RINT1: variants seen among roughly 807,000 people sequenced by gnomAD.
RINT1 encodes the protein RAD50 interactor 1.
A neutral mutation model predicts 97.7 loss-of-function variants in RINT1; 75 were observed. The observed-to-expected ratio is 0.77, with a 90% confidence interval of 0.64 to 0.93. RINT1 has a LOEUF of 0.93. RINT1 is among the 40% of genes least tolerant of loss of function. The pLI, the probability that RINT1 is intolerant of heterozygous loss-of-function variation, is 0.00. For missense variants in RINT1, 892 were observed against 925.2 expected, an observed-to-expected ratio of 0.96 and a Z score of 0.47; for synonymous variants, 303 against 326.3, an observed-to-expected ratio of 0.93 and a Z score of 0.77.
At chr7:105,553,607 G>A (rs1041211887) in intron 10 of RINT1, among the ~76,000 whole-genome samples, 1 of 150,266 alleles carries the variant, frequency 6.7e-6, no homozygotes, top group African/African-American at 2.4e-5. Context: ...CTAGAGATGG[G>A]GTTTCATATT....
rs571081666 is a variant in RINT1 at position 105,564,552 on chromosome 7, T to G, written c.1886+605T>G. On this transcript the variant is annotated intron_variant, in intron 12 of 14. Transcript: ENST00000257700. ...TTTGTTGTGGTTTATCCCACTACCA[T>G]TCACTGTGAACACCTGTGTTACTTT... Among the ~76,000 whole-genome samples the G allele has an allele frequency of 3.3e-5, 5 of 152,340 alleles. No individual in the cohort carries two copies. The South Asian group carries it at 1.0e-3, about 32-fold the overall frequency.
chr7:105,552,666 CTTT>C (rs386410906), intron 10 of RINT1, among the ~76,000 whole-genome samples: 14 of 80,036 alleles, frequency 1.7e-4, no homozygotes, highest in African/African-American at 5.3e-4. Context: ...TAAATAATTC[CTTT>C]TTTTTTTTTT....
chr7:105,555,235 AATATGCTTTTATATTAAGTAAT>A lies in RINT1; in HGVS notation c.1671+13_1671+34del, dbSNP rs1791132163. 6.2e-7 allele frequency: 1 copy of A among 1,607,438 alleles called. No homozygotes were observed. The highest frequency in any genetic ancestry group is 8.5e-7 in the Non-Finnish European group (1 of 1,175,760). On this transcript the variant is annotated intron_variant, in intron 11 of 14. Transcript: ENST00000257700. ...GATTGGGCTGACAATGTTGTGAGTT[AATATGCTTTTATATTAAGTAAT>A]ATATACTAGTTCGAACTATTTTATT... is the stretch of plus-strand genomic sequence containing the variant.
At chr7:105,561,656 G>C (rs1038600797) in intron 11 of RINT1, among the ~76,000 whole-genome samples, 1 of 152,148 alleles carries the variant, frequency 6.6e-6, no homozygotes, top group African/African-American at 2.4e-5. Context: ...CTGCCTCCTG[G>C]GTTCAAGCAA....
In RINT1 at chr7:105,548,649, C is replaced by A; in HGVS notation, c.935C>A (p.Pro312His). The A allele has an allele frequency of 6.2e-7, 1 of 1,614,132 alleles. No homozygotes were observed. The highest frequency in any genetic ancestry group is 8.5e-7 in the Non-Finnish European group (1 of 1,180,016). Reference protein sequence around the residue: ...VILPIQVMLTPLQKRFRYHFR... With the variant: ...VILPIQVMLTHLQKRFRYHFR... Reference sequence around the variant, plus strand: ...CTGCCCATCCAGGTTATGCTGACTCCTCTTCAGAAGAGGTTCAGGTATCAC... The same window carrying A: ...CTGCCCATCCAGGTTATGCTGACTCATCTTCAGAAGAGGTTCAGGTATCAC... Residue 312 changes from proline to histidine, a missense_variant, in exon 7 of 15, where the codon CCT becomes CAT. Physicochemically the swap from Pro to His is moderately conservative, Grantham distance 77. Coordinates refer to ENST00000257700, the MANE Select transcript of RINT1 (RefSeq NM_021930.6).
chr7:105,542,891 G>A (rs1299174435), intron 4 of RINT1, among the ~76,000 whole-genome samples: 5 of 147,464 alleles, frequency 3.4e-5, no homozygotes, highest in East Asian at 2.0e-4. Flanking sequence ...AAACTTTTAA[G>A]TTTTTTTTTT....
In RINT1 at chr7:105,550,264, GA is replaced by G. The variant is rs746231230; in HGVS notation, c.1113del (p.Glu371AspfsTer7). ...KVGSLVNARLEFSRGLMMLVL... is the reference protein window; with the variant it reads ...KVGSLVNARLXFSRGLMMLVL... ...TCATGTTTGTGTATTTTTTTAGCTT[GA>G]ATTTTCTCGGGGCCTTATGATGCTG... On this transcript the variant is annotated frameshift_variant, in exon 9 of 15. Coordinates refer to ENST00000257700, the MANE Select transcript of RINT1 (RefSeq NM_021930.6). LOFTEE classifies it high-confidence loss of function. 6.2e-7 allele frequency: 1 copy of G among 1,613,610 alleles called. No individual in the cohort carries two copies. Among genetic ancestry groups the G allele is most frequent in the African/African-American group, 1.3e-5 (1 of 74,992 alleles).
At chr7:105,543,950 A>G (rs966229863) in intron 4 of RINT1, among the ~76,000 whole-genome samples, 1 of 151,798 alleles carries the variant, frequency 6.6e-6, no homozygotes, top group African/African-American at 2.4e-5. Context: ...AAAAAAAGAA[A>G]TTAGCCAGGC....
chr7:105,534,250 G>T (rs957153031), intron 2 of RINT1, among the ~76,000 whole-genome samples: 2 of 152,050 alleles, frequency 1.3e-5, no homozygotes, highest in African/African-American at 2.4e-5. Flanking sequence ...TGTATTTTTA[G>T]TAGAGGCAGG....
At chr7:105,540,207 A>G (rs949641945) in intron 3 of RINT1, among the ~76,000 whole-genome samples, 8 of 150,888 alleles carry the variant, frequency 5.3e-5, no homozygotes, top group Non-Finnish European at 1.5e-5. Flanking sequence ...AGCCTCCTGA[A>G]TAGCTGGGAT....
chr7:105,547,255 T>G lies in RINT1; in HGVS notation c.761T>G (p.Leu254Ter). 1 of 1,614,190 alleles carries G rather than the reference T, an allele frequency of 6.2e-7. No individual in the cohort carries two copies. The highest frequency in any genetic ancestry group is 1.1e-5 in the South Asian group (1 of 91,082). The change falls in exon 6 of 15, where the codon TTA (leucine) becomes TGA (stop). Residue 254 changes from leucine to a stop codon, truncating the protein, a stop_gained. Transcript: ENST00000257700. LOFTEE classifies it high-confidence loss of function. ...CCCCCTCAATCACAAACTGTTGGCT[T>G]AAGTCGACCTGCCAGTGCCCCGGAG... ...IAPPQSQTVG[L>*]SRPASAPEIY...
chr7:105,551,511 G>T (rs1790922964), intron 9 of RINT1, 59 bp from the exon 10 acceptor site: 2 of 1,409,504 alleles, frequency 1.4e-6, no homozygotes, highest in Non-Finnish European at 1.9e-6. Flanking sequence ...ATTACAAGTT[G>T]AATAATTAGG....
intron 7 of RINT1, among the ~76,000 whole-genome samples, chr7:105,549,648 C>G (rs1790844130): frequency 6.6e-6 from 1 of 151,976 alleles, no homozygotes; most frequent in Non-Finnish European, 1.5e-5. Context: ...CACGCCTGGC[C>G]AGCAATTTTT....
At chr7:105,536,827 T>G (rs774115372) in intron 3 of RINT1, 78 bp downstream of exon 3, 14 of 839,470 alleles carry the variant, frequency 1.7e-5, no homozygotes, top group Non-Finnish European at 2.2e-5. Context: ...CTATTATATA[T>G]AGAATTTTAA....
chr7:105,561,542 A>C (rs1791439225), intron 11 of RINT1, among the ~76,000 whole-genome samples: 1 of 152,168 alleles, frequency 6.6e-6, no homozygotes, highest in South Asian at 2.1e-4. Context: ...AATAAAAAAA[A>C]CAAGTAGATA....
intron 2 of RINT1, among the ~76,000 whole-genome samples, chr7:105,533,564 C>T (rs183653155): frequency 7.9e-5 from 12 of 152,288 alleles, no homozygotes; most frequent in African/African-American, 2.2e-4. Flanking sequence ...GTTCTTTTGA[C>T]TGTGGCAAAC....
In RINT1 at chr7:105,555,225, G is replaced by A. The variant is rs1301794741; in HGVS notation, c.1669G>A (p.Val557Ile). 1.9e-6 allele frequency: 3 copies of A among 1,611,354 alleles called. No homozygotes were observed. The East Asian group carries it at 6.7e-5, about 36-fold the overall frequency. Residue 557 changes from valine to isoleucine, a missense_variant and splice_region_variant, in exon 11 of 15, where the codon GTT (valine) becomes ATT (isoleucine). Coordinates refer to ENST00000257700, the MANE Select transcript of RINT1 (RefSeq NM_021930.6). ...AGTACTAGCAGATTGGGCTGACAAT[G>A]TTGTGAGTTAATATGCTTTTATATT... is the stretch of plus-strand genomic sequence containing the variant. ...STVLADWADNVFFLQLQQAAL... is the reference protein window; with the variant it reads ...STVLADWADNIFFLQLQQAAL...
chr7:105,565,104 A>T, intron 12 of RINT1, 173 bp from the exon 13 acceptor site: 1 of 496,022 alleles, frequency 2.0e-6, no homozygotes, highest in Non-Finnish European at 3.5e-6. Flanking sequence ...TTTGAGAGTG[A>T]AAATATAAAT....
chr7:105,542,470 A>G lies in RINT1; in HGVS notation c.336A>G (p.Glu112=), dbSNP rs779681237. The change falls in exon 4 of 15, where the codon GAA becomes GAG. Residue 112 remains glutamate, a synonymous_variant. Coordinates refer to ENST00000257700, the MANE Select transcript of RINT1 (RefSeq NM_021930.6). ...GAAGTGCCTTAAAAAATGCAGAAGA[A>G]TCAAAGCAATTTCTTAATCAGTTTC... ...RIRSALKNAE[E]SKQFLNQFLE... is the part of the protein sequence containing the mutation. The G allele has an allele frequency of 5.1e-5, 82 of 1,613,772 alleles. No individual in the cohort carries two copies. The South Asian group carries it at 5.3e-4, about 10-fold the overall frequency.
Sources: allele counts gnomAD v4.1 joint callset (sites outside exome capture counted in the v4.1 genomes callset), GRCh38; gene constraint gnomAD v4.1.1; transcripts MANE v1.5; gene names NCBI Gene and HGNC (gene_info 2026-07-23, HGNC 2026-07-21).